MORC1: variants seen among roughly 807,000 people sequenced by gnomAD.
The protein encoded by MORC1 is MORC family CW-type zinc finger protein 1.
Under a neutral mutation model 134.9 loss-of-function variants are expected in MORC1, and 59 were observed. That is an observed-to-expected ratio of 0.44 (90% CI 0.35 to 0.54). MORC1 has a LOEUF of 0.54. MORC1 is among the 20% of genes least tolerant of loss of function. The pLI is 0.00. For synonymous variants in MORC1, 395 were observed against 391.7 expected (o/e 1.01, Z -0.10); for missense variants, 947 against 1,134.5 (o/e 0.83, Z 2.37).
chr3:108,963,744 A>G, intron 26 of MORC1, 136 bp from the exon 27 acceptor site: 1 of 598,532 alleles, frequency 1.7e-6, no homozygotes, highest in African/African-American at 1.9e-5. Flanking sequence ...AATTTAGGAA[A>G]TATTGATACC....
At chr3:109,085,116 C>T (rs575178810) in intron 8 of MORC1, among the ~76,000 whole-genome samples, 2 of 151,796 alleles carry the variant, frequency 1.3e-5, no homozygotes, top group East Asian at 3.9e-4. Flanking sequence ...GTGTCTGTGT[C>T]TATCTGTCTG....
chr3:108,974,608 TA>T (rs1184715568), intron 24 of MORC1, among the ~76,000 whole-genome samples: 1 of 152,184 alleles, frequency 6.6e-6, no homozygotes, highest in African/African-American at 2.4e-5. Context: ...CTGCATTAAG[TA>T]GATGCACTTG....
At chr3:109,052,320 A>G (rs1949848842) in intron 14 of MORC1, among the ~76,000 whole-genome samples, 1 of 152,218 alleles carries the variant, frequency 6.6e-6, no homozygotes, top group Non-Finnish European at 1.5e-5. Context: ...GAAAAATTAC[A>G]TAGGTATACT....
At chr3:108,963,339 A>G in intron 27 of MORC1, 75 bp downstream of exon 27, 1 of 1,227,502 alleles carries the variant, frequency 8.1e-7, no homozygotes, top group Non-Finnish European at 1.2e-6. Context: ...GTGAATGACA[A>G]TGTTAGGAGA....
At chr3:109,072,934 AACACACACAC>A (rs58749136) in intron 8 of MORC1, among the ~76,000 whole-genome samples, 24 of 144,838 alleles carry the variant, frequency 1.7e-4, no homozygotes, top group African/African-American at 5.1e-4. Flanking sequence ...AATCTCCCTC[AACACACACAC>A]ACACACACAC....
At chr3:109,093,951 A>G (rs1950778528) in intron 7 of MORC1, among the ~76,000 whole-genome samples, 1 of 152,238 alleles carries the variant, frequency 6.6e-6, no homozygotes, top group Non-Finnish European at 1.5e-5. Context: ...TGTACAAATA[A>G]GAAATATTGT....
At chr3:109,017,008 C>T (rs75491409) in intron 17 of MORC1, among the ~76,000 whole-genome samples, 2,515 of 152,328 alleles carry the variant, frequency 0.017, 69 homozygotes, top group African/African-American at 0.057. Context: ...CTCAACCCTA[C>T]CTAATGCTCT....
At chr3:108,995,315 A>T (rs1948170372) in intron 21 of MORC1, among the ~76,000 whole-genome samples, 1 of 152,260 alleles carries the variant, frequency 6.6e-6, no homozygotes, top group African/African-American at 2.4e-5. Flanking sequence ...ATTTAAAAAA[A>T]ATTCCACTTC....
At chr3:109,022,180 A>G (rs1028571157) in intron 17 of MORC1, among the ~76,000 whole-genome samples, 3 of 152,204 alleles carry the variant, frequency 2.0e-5, no homozygotes, top group Admixed American at 6.5e-5. Context: ...CAGTTTATAT[A>G]AGGAGGCTGA....
intron 21 of MORC1, among the ~76,000 whole-genome samples, chr3:108,990,643 T>A (rs1298571537): frequency 6.6e-6 from 1 of 152,212 alleles, no homozygotes; most frequent in Non-Finnish European, 1.5e-5. Flanking sequence ...ATTCATCTTG[T>A]CTATTGAATG....
chr3:109,072,307 C>A (rs1950335774), intron 8 of MORC1, among the ~76,000 whole-genome samples: 1 of 152,174 alleles, frequency 6.6e-6, no homozygotes, highest in African/African-American at 2.4e-5. Context: ...GTTCTTCAGC[C>A]ACTCTTGCTT....
intron 6 of MORC1, among the ~76,000 whole-genome samples, chr3:109,098,229 T>G (rs1364913449): frequency 6.6e-6 from 1 of 152,086 alleles, no homozygotes; most frequent in Non-Finnish European, 1.5e-5. Context: ...TTAATATTGT[T>G]GTTAAGAGGT....
rs566499537 is a variant in MORC1 at position 109,022,272 on chromosome 3, C to A, written c.1704+5479G>T. 1.1e-4 allele frequency among the ~76,000 whole-genome samples: 16 copies of A among 152,248 alleles called. No individual in the cohort carries two copies. The South Asian group carries it at 3.3e-3, about 32-fold the overall frequency. On this transcript the variant is annotated intron_variant, in intron 17 of 27. Coordinates refer to ENST00000232603, the MANE Select transcript of MORC1 (RefSeq NM_014429.4). ...AGATTTGAAACCTCAGCAGCCTACA[C>A]AATAATGACACATTAAAAAGATTAA... is the stretch of plus-strand genomic sequence containing the variant.
intron 24 of MORC1, among the ~76,000 whole-genome samples, chr3:108,978,173 G>A (rs2715736): frequency 0.13 from 19,205 of 152,110 alleles, 1,296 homozygotes; most frequent in Non-Finnish European, 0.14. Context: ...CACTGCGCCC[G>A]GCCAAGGCCT....
At chr3:109,049,234 C>T (rs972755613) in intron 14 of MORC1, 3 of 613,810 alleles carry the variant, frequency 4.9e-6, no homozygotes, top group Non-Finnish European at 6.1e-6. Flanking sequence ...CTGTTGTGAG[C>T]AACTAGCTAC....
chr3:108,968,373 G>T (rs1947276110), intron 26 of MORC1, among the ~76,000 whole-genome samples: 1 of 152,186 alleles, frequency 6.6e-6, no homozygotes. Context: ...ATGAACAAGG[G>T]TTGTTAAATT....
At chr3:109,058,398 G>C (rs1301172535) in intron 12 of MORC1, among the ~76,000 whole-genome samples, 1 of 152,024 alleles carries the variant, frequency 6.6e-6, no homozygotes, top group Non-Finnish European at 1.5e-5. Flanking sequence ...ACCCAATCAA[G>C]AATGACACCA....
At chr3:109,047,651 T>C (rs953243511) in intron 14 of MORC1, among the ~76,000 whole-genome samples, 1 of 152,132 alleles carries the variant, frequency 6.6e-6, no homozygotes, top group African/African-American at 2.4e-5. Context: ...CATATTTATG[T>C]CATGTAAATC....
At chr3:108,993,999 A>C (rs375353073) in intron 21 of MORC1, among the ~76,000 whole-genome samples, 1 of 152,150 alleles carries the variant, frequency 6.6e-6, no homozygotes, top group Admixed American at 6.5e-5. Flanking sequence ...AGGCCCTGGT[A>C]ATGATCTTAG....
Sources: allele counts gnomAD v4.1 joint callset (sites outside exome capture counted in the v4.1 genomes callset), GRCh38; gene constraint gnomAD v4.1.1; transcripts MANE v1.5; gene names NCBI Gene and HGNC (gene_info 2026-07-23, HGNC 2026-07-21).